The following HAND1 variants were observed in gnomAD, a reference collection of about 807,000 sequenced individuals.
HAND1 encodes heart- and neural crest derivatives-expressed protein 1.
In HAND1, 10 loss-of-function variants were observed where a neutral mutation model predicts 14.5. The observed-to-expected ratio is 0.69, with a 90% CI of 0.42 to 1.17. The LOEUF (loss-of-function observed/expected upper bound fraction) is 1.17. HAND1 is among the 50% of genes most tolerant of loss of function. HAND1 has a pLI of 0.00. For missense variants in HAND1, 299 were observed against 298.4 expected (o/e 1.00, Z -0.01); for synonymous variants, 128 against 127.1 (o/e 1.01, Z -0.05).
rs576933591 is a variant in HAND1, at chr5:154,475,978, C to T, written c.544-68G>A. 6.7e-6 allele frequency: 8 copies of T among 1,195,856 alleles called. No homozygotes were observed. In the African/African-American group the frequency reaches 7.5e-5, roughly 11 times the overall value. The allele number at this position is 1,195,856 out of a possible 1,614,324, so 74.1% of individuals were successfully genotyped here. A position where few individuals can be genotyped will look rare whatever the true frequency, so the allele number is the denominator to read the frequency against. On this transcript the variant is annotated intron_variant, in intron 1 of 1. Transcript: ENST00000231121. The stretch of plus-strand genomic sequence containing the variant: ...TTTTAATTTTTCTGCTCCGATCGCC[C>T]GGCATGGGGTAAGATGAGGAGGAGG...
chr5:154,477,387 T>A, intron 1 of HAND1, 79 bp downstream of exon 1: 2 of 1,127,936 alleles, frequency 1.8e-6, no homozygotes, highest in Non-Finnish European at 2.7e-6. Context: ...CAACACAGCC[T>A]CCTTCGACTA....
Position 154,477,917 on chromosome 5 carries a change from G to A in HAND1, c.92C>T (p.Pro31Leu). The change falls in exon 1 of 2, where the codon CCG becomes CTG. Residue 31 changes from proline (P) to leucine (L), a missense_variant. Physicochemically the swap from Pro to Leu is moderately conservative, Grantham distance 98. Coordinates refer to ENST00000231121, the MANE Select transcript of HAND1 (RefSeq NM_004821.3). Reference sequence around the variant, plus strand: ...CCTTTCCTGATGACAGCGCGAGGCCGGACCGAAGAGGAAGGGTTCGTGGAG... The same window carrying A: ...CCTTTCCTGATGACAGCGCGAGGCCAGACCGAAGAGGAAGGGTTCGTGGAG... ...PMLHEPFLFGPASRCHQERPY... is the reference protein window; with the variant it reads ...PMLHEPFLFGLASRCHQERPY... The A allele has an allele frequency of 2.5e-6, 4 of 1,599,188 alleles. No homozygotes were observed. The highest frequency in any genetic ancestry group is 2.5e-6 in the Non-Finnish European group (3 of 1,179,862).
At chr5:154,476,048 G>C in intron 1 of HAND1, 138 bp from the exon 2 acceptor site, 1 of 735,836 alleles carries the variant, frequency 1.4e-6, no homozygotes, top group Non-Finnish European at 2.5e-6. Context: ...AATAAGTGAC[G>C]GATTTCTGTT....
At position 154,475,653 on chromosome 5, in the gene HAND1, G is replaced by T; in HGVS notation, c.*153C>A. ...GCACGTGCGATCCAAGTGTGTGGTTGCAGCCGACGACCTGCCGGCGCTCAG... is the reference window on the plus strand; with the variant it reads ...GCACGTGCGATCCAAGTGTGTGGTTTCAGCCGACGACCTGCCGGCGCTCAG... On this transcript the variant is annotated 3_prime_UTR_variant, in exon 2 of 2. Coordinates refer to ENST00000231121, the MANE Select transcript of HAND1 (RefSeq NM_004821.3). 1.5e-6 allele frequency: 1 copy of T among 662,852 alleles called. No homozygotes were observed. Among genetic ancestry groups the T allele is most frequent in the South Asian group, 1.7e-5 (1 of 60,020 alleles). 41.1% of individuals were successfully genotyped at this position (662,852 alleles called of 1,614,324 possible). A position where few individuals can be genotyped will look rare whatever the true frequency, so the allele number is the denominator to read the frequency against.
chr5:154,477,393 G>T, intron 1 of HAND1, 73 bp downstream of exon 1: 2 of 1,194,274 alleles, frequency 1.7e-6, no homozygotes, highest in South Asian at 1.2e-5. Flanking sequence ...AGCCTCCTTC[G>T]ACTACCTGCA....
intron 1 of HAND1, among the ~76,000 whole-genome samples, chr5:154,477,124 C>A (rs1038876000): frequency 2.6e-5 from 4 of 152,206 alleles, no homozygotes; most frequent in African/African-American, 7.2e-5. Context: ...AGAACTTTAA[C>A]ACATATTCTT....
In HAND1 at chr5:154,477,608, T is replaced by C. The variant is rs1222504650; in HGVS notation, c.401A>G (p.Lys134Arg). ...VPADTKLSKI[K>R]TLRLATSYIA... is the part of the protein sequence containing the mutation. ...GTAGCTGGTGGCTAGGCGCAGAGTC[T>C]TGATCTTGGAGAGCTTGGTGTCGGC... Residue 134 changes from lysine (K) to arginine (R), a missense_variant, in exon 1 of 2, where the codon AAG becomes AGG. Lys to Arg is a conservative substitution (Grantham distance 26, BLOSUM62 2). Coordinates refer to ENST00000231121, the MANE Select transcript of HAND1 (RefSeq NM_004821.3). The C allele has an allele frequency of 6.2e-7, 1 of 1,614,256 alleles. No individual in the cohort carries two copies. The highest frequency in any genetic ancestry group is 8.5e-7 in the Non-Finnish European group (1 of 1,180,054).
Position 154,477,991 on chromosome 5 carries a change from G to C in HAND1, c.18C>G (p.Ser6Arg), listed in dbSNP as rs762997931. The change falls in exon 1 of 2, where the codon AGC becomes AGG. Residue 6 changes from serine (S) to arginine (R), a missense_variant. Ser to Arg is a moderately radical substitution (Grantham distance 110). Transcript: ENST00000231121. The part of the protein sequence containing the change: MNLVG[S>R]YAHHHHHHHP... The stretch of plus-strand genomic sequence containing the variant: ...GGTGATGGTGGTGATGGTGTGCGTA[G>C]CTGCCCACGAGGTTCATGTTGGAGC... 5.0e-6 allele frequency: 8 copies of C among 1,598,032 alleles called. No homozygotes were observed.
Position 154,475,737 on chromosome 5 carries a change from G to T in HAND1, c.*69C>A, listed in dbSNP as rs1012948443. On this transcript the variant is annotated 3_prime_UTR_variant, in exon 2 of 2. Transcript: ENST00000231121. ...CGGAGCCCAGAGCCTGGCGTTCGCC[G>T]CTGCCTTCCTCTCCTCCCGGGGCTT... The T allele has an allele frequency of 9.5e-6, 11 of 1,157,934 alleles. No homozygotes were observed. In the East Asian group the frequency reaches 1.9e-4, roughly 20 times the overall value. The allele number at this position is 1,157,934 out of a possible 1,614,324, so 71.7% of individuals were successfully genotyped here.
rs1487663438 is a variant in HAND1 at position 154,475,532 on chromosome 5, G to C, written c.*274C>G. The stretch of plus-strand genomic sequence containing the variant: ...TTGGGTTCGACAGTCCCTCCTTCTT[G>C]CATGTTGCCGCCAAGGGCCGCCCTC... On this transcript the variant is annotated 3_prime_UTR_variant, in exon 2 of 2. Coordinates refer to ENST00000231121, the MANE Select transcript of HAND1 (RefSeq NM_004821.3). 6 of 486,226 alleles carry C rather than the reference G, an allele frequency of 1.2e-5. No homozygotes were observed. Among genetic ancestry groups the C allele is most frequent in the Non-Finnish European group, 2.3e-5 (6 of 266,536 alleles). 30.1% of individuals were successfully genotyped at this position (486,226 alleles called of 1,614,324 possible). A position where few individuals can be genotyped will look rare whatever the true frequency, so the allele number is the denominator to read the frequency against.
rs1002054105 is a variant in HAND1, at chr5:154,477,342, G to A, written c.543+124C>T. On this transcript the variant is annotated intron_variant, in intron 1 of 1. Transcript: ENST00000231121. ...TCGCACGCTGTGACCAACCATCTCA[G>A]AACTCTTCCCAACCTTTCCAAATCG... The A allele has an allele frequency of 3.8e-6, 3 of 794,822 alleles. No homozygotes were observed. The African/African-American group carries it at 5.1e-5, about 13-fold the overall frequency. The allele number at this position is 794,822 out of a possible 1,614,324, so 49.2% of individuals were successfully genotyped here. A position where few individuals can be genotyped will look rare whatever the true frequency, so the allele number is the denominator to read the frequency against.
In HAND1 at chr5:154,477,894, T is replaced by C; in HGVS notation, c.115A>G (p.Arg39Gly). The C allele has an allele frequency of 1.2e-6, 2 of 1,600,410 alleles. No homozygotes were observed. Among genetic ancestry groups the C allele is most frequent in the Non-Finnish European group, 8.5e-7 (1 of 1,179,828 alleles). ...AGCAGCCAGCTCTGGAAGTAGGGCCTTTCCTGATGACAGCGCGAGGCCGGA... is the reference window on the plus strand; with the variant it reads ...AGCAGCCAGCTCTGGAAGTAGGGCCCTTCCTGATGACAGCGCGAGGCCGGA... Reference protein sequence around the residue: ...FGPASRCHQERPYFQSWLLSP... With the variant: ...FGPASRCHQEGPYFQSWLLSP... The change falls in exon 1 of 2, where the codon AGG (arginine) becomes GGG (glycine). Residue 39 changes from arginine (R) to glycine (G), a missense_variant. Transcript: ENST00000231121.
chr5:154,476,016 G>A (rs1757536031), intron 1 of HAND1, 106 bp from the exon 2 acceptor site: 1 of 815,402 alleles, frequency 1.2e-6, no homozygotes, highest in Non-Finnish European at 2.1e-6. Context: ...AAGGTGTCGG[G>A]AGCAGTAACT....
At chr5:154,475,990 A>G in intron 1 of HAND1, 80 bp from the exon 2 acceptor site, 1 of 1,042,766 alleles carries the variant, frequency 9.6e-7, no homozygotes, top group South Asian at 1.3e-5. Flanking sequence ...GCATGGGGTA[A>G]GATGAGGAGG....
In HAND1 at chr5:154,475,253, GT is replaced by G. The variant is rs1290390286; in HGVS notation, c.*552del. The G allele has an allele frequency of 1.9e-5, 3 of 154,584 alleles. No individual in the cohort carries two copies. Among genetic ancestry groups the G allele is most frequent in the African/African-American group, 7.2e-5 (3 of 41,440 alleles). The allele number at this position is 154,584 out of a possible 1,614,324, so 9.6% of individuals were successfully genotyped here. A position where few individuals can be genotyped will look rare whatever the true frequency, so the allele number is the denominator to read the frequency against. On this transcript the variant is annotated 3_prime_UTR_variant, in exon 2 of 2. Transcript: ENST00000231121. ...TGTTTCCCTTGGAACTAAACAGGAAGTGCAGCGACAAAAAGAAAAATAAAAT... is the reference window on the plus strand; with the variant it reads ...TGTTTCCCTTGGAACTAAACAGGAAGGCAGCGACAAAAAGAAAAATAAAAT...
At chr5:154,477,375 G>T in intron 1 of HAND1, 91 bp downstream of exon 1, 1 of 1,035,040 alleles carries the variant, frequency 9.7e-7, no homozygotes, top group Non-Finnish European at 1.5e-6. Context: ...TCGGACACAG[G>T]ACAACACAGC....
rs564241048 is a variant in HAND1 at position 154,477,887 on chromosome 5, T to G, written c.122A>C (p.Tyr41Ser). 6.2e-7 allele frequency: 1 copy of G among 1,600,676 alleles called. No individual in the cohort carries two copies. The highest frequency in any genetic ancestry group is 8.5e-7 in the Non-Finnish European group (1 of 1,179,796). ...CGGGCTCAGCAGCCAGCTCTGGAAG[T>G]AGGGCCTTTCCTGATGACAGCGCGA... is the stretch of plus-strand genomic sequence containing the variant. ...PASRCHQERP[Y>S]FQSWLLSPAD... is the part of the protein sequence containing the mutation. Residue 41 changes from tyrosine (Y) to serine (S), a missense_variant, in exon 1 of 2, where the codon TAC becomes TCC. Transcript: ENST00000231121.
chr5:154,476,796 G>A (rs1364227123), intron 1 of HAND1, among the ~76,000 whole-genome samples: 2 of 152,184 alleles, frequency 1.3e-5, no homozygotes, highest in Admixed American at 1.3e-4. Flanking sequence ...TAACCGGAGA[G>A]GATCAAGAAG....
In HAND1 at chr5:154,475,849, G is replaced by C. The variant is rs766161267; in HGVS notation, c.605C>G (p.Thr202Ser). The part of the protein sequence containing the change: ...GPVEKRIKGR[T>S]GWPQQVWALE... The stretch of plus-strand genomic sequence containing the variant: ...CGCCCAGACTTGCTGCGGCCAGCCG[G>C]TGCGTCCTTTAATCCTCTTCTCGAC... The change falls in exon 2 of 2, where the codon ACC becomes AGC. Residue 202 changes from threonine to serine, a missense_variant. Thr to Ser is a moderately conservative substitution (Grantham distance 58). Transcript: ENST00000231121. 6.2e-7 allele frequency: 1 copy of C among 1,614,080 alleles called. No homozygotes were observed. The highest frequency in any genetic ancestry group is 1.1e-5 in the South Asian group (1 of 91,080).
Sources: allele counts gnomAD v4.1 joint callset (sites outside exome capture counted in the v4.1 genomes callset), GRCh38; gene constraint gnomAD v4.1.1; transcripts MANE v1.5; gene names NCBI Gene and HGNC (gene_info 2026-07-23, HGNC 2026-07-21).